Variants in CHRM3 observed in about 807,000 individuals in gnomAD.
CHRM3 encodes the protein muscarinic acetylcholine receptor M3.
A neutral mutation model predicts 41.8 loss-of-function variants in CHRM3; 11 were observed. The ratio of observed to expected loss-of-function variants is 0.26; its 90% CI spans 0.17 to 0.44. CHRM3 has a LOEUF of 0.44. Ranked by LOEUF, CHRM3 falls within the 20% of genes least tolerant of loss-of-function variation. The pLI is 1.00. For missense variants in CHRM3, 571 were observed against 745.4 expected, an observed-to-expected ratio of 0.77 and a Z score of 2.72; for synonymous variants, 297 against 301.4, an observed-to-expected ratio of 0.99 and a Z score of 0.15.
intron 4 of CHRM3, among the ~76,000 whole-genome samples, chr1:239,635,601 GT>G (rs1670377358): frequency 6.6e-6 from 1 of 152,136 alleles, no homozygotes; most frequent in Admixed American, 6.6e-5. Flanking sequence ...AAGACTGGAA[GT>G]TTTATTTCTT....
At chr1:239,420,005 A>G (rs1661819360) in intron 1 of CHRM3, among the ~76,000 whole-genome samples, 1 of 152,148 alleles carries the variant, frequency 6.6e-6, no homozygotes, top group Admixed American at 6.5e-5. Flanking sequence ...AACAGACTCT[A>G]TTTAGTAATT....
intron 1 of CHRM3, among the ~76,000 whole-genome samples, chr1:239,457,574 G>T (rs1032785233): frequency 6.6e-6 from 1 of 152,088 alleles, no homozygotes; most frequent in Non-Finnish European, 1.5e-5. Flanking sequence ...TTGAGGTTTT[G>T]TCTATTTGCA....
intron 3 of CHRM3, among the ~76,000 whole-genome samples, chr1:239,600,734 TC>T (rs889046673): frequency 1.4e-5 from 2 of 148,020 alleles, no homozygotes; most frequent in African/African-American, 4.9e-5. Flanking sequence ...CTTCCCTCCC[TC>T]CTTCCCTCCC....
chr1:239,588,860 A>G (rs1011441120), intron 3 of CHRM3, among the ~76,000 whole-genome samples: 4 of 152,214 alleles, frequency 2.6e-5, no homozygotes, highest in Non-Finnish European at 4.4e-5. Flanking sequence ...ATAGAAAAGA[A>G]AATCACTTGT....
At chr1:239,440,030 T>C (rs1478800333) in intron 1 of CHRM3, among the ~76,000 whole-genome samples, 2 of 151,658 alleles carry the variant, frequency 1.3e-5, no homozygotes, top group Admixed American at 1.3e-4. Context: ...AAACCCTGTC[T>C]CTACTAAAAA....
intron 6 of CHRM3, among the ~76,000 whole-genome samples, chr1:239,845,981 G>A (rs1674230240): frequency 6.6e-6 from 1 of 152,176 alleles, no homozygotes; most frequent in Non-Finnish European, 1.5e-5. Context: ...TAGAAGGATA[G>A]GTGGGAAAAT....
At position 239,748,634 on chromosome 1, in the gene CHRM3, G is replaced by T. The variant is rs1333239209; in HGVS notation, c.-147+70346G>T. Reference sequence around the variant, plus strand: ...CAATTTGTGTATATCTTGCTTTCTTGTTACCTCAATGTTAGGAAGGAAGGA... The same window carrying T: ...CAATTTGTGTATATCTTGCTTTCTTTTTACCTCAATGTTAGGAAGGAAGGA... On this transcript the variant is annotated intron_variant, in intron 5 of 6. Coordinates refer to ENST00000676153, the MANE Select transcript of CHRM3 (RefSeq NM_001375978.1). The surrounding 1 kb of genome is among the most constrained non-coding windows in gnomAD (Gnocchi z 4.3). Among the ~76,000 whole-genome samples, 1 of 152,118 alleles carries T rather than the reference G, an allele frequency of 6.6e-6. No homozygotes were observed. The highest frequency in any genetic ancestry group is 1.5e-5 in the Non-Finnish European group (1 of 68,010).
At chr1:239,557,411 A>T (rs1013835384) in intron 3 of CHRM3, among the ~76,000 whole-genome samples, 39 of 151,912 alleles carry the variant, frequency 2.6e-4, no homozygotes, top group African/African-American at 8.5e-4. Flanking sequence ...ACTCTAACAC[A>T]CCTCTGAGTA....
At chr1:239,763,709 A>G (rs17657156) in intron 5 of CHRM3, among the ~76,000 whole-genome samples, 12,896 of 151,950 alleles carry the variant, frequency 0.085, 658 homozygotes, top group Middle Eastern at 0.13. Context: ...AGAAAAAAGG[A>G]CTCATTAATT....
intron 1 of CHRM3, among the ~76,000 whole-genome samples, chr1:239,395,172 A>G (rs1659372151): frequency 6.6e-6 from 1 of 151,248 alleles, no homozygotes; most frequent in Non-Finnish European, 1.5e-5. Flanking sequence ...CCCCACCCCT[A>G]TTTTCTGCAG....
chr1:239,872,496 A>G (rs1676677882), intron 6 of CHRM3, among the ~76,000 whole-genome samples: 2 of 152,098 alleles, frequency 1.3e-5, no homozygotes, highest in South Asian at 4.1e-4. Context: ...GACGGCCCCA[A>G]CCCGAAATCA....
At chr1:239,419,714 G>A (rs1553297509) in intron 1 of CHRM3, among the ~76,000 whole-genome samples, 1 of 152,128 alleles carries the variant, frequency 6.6e-6, no homozygotes, top group South Asian at 2.1e-4. Flanking sequence ...ACAAGTACCT[G>A]TCAGGACATG....
intron 5 of CHRM3, among the ~76,000 whole-genome samples, chr1:239,815,331 C>T (rs1023108991): frequency 3.3e-5 from 5 of 152,144 alleles, no homozygotes; most frequent in African/African-American, 7.2e-5. Context: ...GACTTTAATC[C>T]GGGCATTTAA....
intron 5 of CHRM3, among the ~76,000 whole-genome samples, chr1:239,708,486 C>G (rs1238823566): frequency 6.6e-6 from 1 of 152,134 alleles, no homozygotes; most frequent in Non-Finnish European, 1.5e-5. Context: ...CCCAGCCTCT[C>G]TTACTGGGGT....
At chr1:239,642,466 T>G (rs1671272162) in intron 4 of CHRM3, among the ~76,000 whole-genome samples, 1 of 152,200 alleles carries the variant, frequency 6.6e-6, no homozygotes, top group African/African-American at 2.4e-5. Flanking sequence ...TGTTCGTTTC[T>G]TTATATTCTT....
rs60492900 is a variant in CHRM3 at position 239,619,560 on chromosome 1, G to A, written c.-312-12664G>A. Among the ~76,000 whole-genome samples, 567 of 152,264 alleles carry A rather than the reference G, an allele frequency of 3.7e-3. 3 individuals carry two copies. The highest frequency in any genetic ancestry group is 0.013 in the African/African-American group (526 of 41,536). On this transcript the variant is annotated intron_variant, in intron 3 of 6. Transcript: ENST00000676153. ...CCAAAGTGTAATTGATGAGAATGATGGCCCAATTATGGAGAGATATTGGAC... is the reference window on the plus strand; with the variant it reads ...CCAAAGTGTAATTGATGAGAATGATAGCCCAATTATGGAGAGATATTGGAC...
intron 4 of CHRM3, among the ~76,000 whole-genome samples, chr1:239,639,450 T>A (rs1206936213): frequency 1.3e-5 from 2 of 152,202 alleles, no homozygotes; most frequent in Non-Finnish European, 2.9e-5. Context: ...TGAGCAGTGG[T>A]TTGTAGTTCT....
intron 6 of CHRM3, among the ~76,000 whole-genome samples, chr1:239,864,297 G>C (rs527982255): frequency 6.6e-6 from 1 of 152,052 alleles, no homozygotes. Flanking sequence ...ACCCGAGGTC[G>C]AGAGTTTGAG....
At chr1:239,657,527 T>C (rs113409647) in intron 4 of CHRM3, among the ~76,000 whole-genome samples, 304 of 152,310 alleles carry the variant, frequency 2.0e-3, no homozygotes, top group Non-Finnish European at 3.2e-3. Context: ...TGCGCTTTGA[T>C]GACTCAACAC....
Sources: allele counts gnomAD v4.1 joint callset (sites outside exome capture counted in the v4.1 genomes callset), GRCh38; gene constraint gnomAD v4.1.1; non-coding constraint Gnocchi (gnomAD v3.1); transcripts MANE v1.5; gene names NCBI Gene and HGNC (gene_info 2026-07-23, HGNC 2026-07-21).